Variants in SNTG1 observed in about 807,000 individuals in gnomAD.
SNTG1 encodes the protein syntrophin gamma 1.
In SNTG1, 39 loss-of-function variants were observed where a neutral mutation model predicts 74.7. The observed-to-expected ratio is 0.52, with a 90% CI of 0.40 to 0.68. The LOEUF is 0.68. SNTG1 is among the 30% of genes least tolerant of loss of function. The pLI is 0.00. For missense variants in SNTG1, 685 were observed against 609.5 expected, an observed-to-expected ratio of 1.12 and a Z score of -1.30; for synonymous variants, 254 against 217.1, an observed-to-expected ratio of 1.17 and a Z score of -1.49.
Position 50,299,809 on chromosome 8 carries a change from T to C in SNTG1, c.-27-94403T>C, listed in dbSNP as rs920764823. Among the ~76,000 whole-genome samples, 3 of 152,222 alleles carry C rather than the reference T, an allele frequency of 2.0e-5. No homozygotes were observed. In the South Asian group the frequency reaches 6.2e-4, roughly 32 times the overall value. On this transcript the variant is annotated intron_variant, in intron 2 of 18. Transcript: ENST00000642720. The stretch of plus-strand genomic sequence containing the variant: ...AGATACGTGTCACTAGGAGTTGCCA[T>C]ATAGGACAGAATAGGCCTATGGAGT...
chr8:50,150,762 C>G (rs1044403415), intron 1 of SNTG1, among the ~76,000 whole-genome samples: 7 of 152,086 alleles, frequency 4.6e-5, no homozygotes, highest in Non-Finnish European at 1.0e-4. Context: ...GGATGAAGCC[C>G]ACTTGATCAT....
At chr8:50,017,125 A>G (rs1816397412) in intron 1 of SNTG1, among the ~76,000 whole-genome samples, 1 of 152,142 alleles carries the variant, frequency 6.6e-6, no homozygotes, top group Non-Finnish European at 1.5e-5. Context: ...TCTCAAATAC[A>G]AACTAAGAAA....
chr8:50,787,175 A>G (rs1394420365), intron 18 of SNTG1, among the ~76,000 whole-genome samples: 1 of 151,970 alleles, frequency 6.6e-6, no homozygotes, highest in Non-Finnish European at 1.5e-5. Flanking sequence ...AAATTGACAA[A>G]GGATTCAAAT....
intron 13 of SNTG1, among the ~76,000 whole-genome samples, chr8:50,641,208 T>A (rs959058485): frequency 1.3e-5 from 2 of 152,208 alleles, no homozygotes; most frequent in African/African-American, 4.8e-5. Context: ...TTATTCTTTC[T>A]TCCCCCAGTC....
At chr8:50,468,460 C>T (rs1189350047) in intron 8 of SNTG1, among the ~76,000 whole-genome samples, 1 of 152,070 alleles carries the variant, frequency 6.6e-6, no homozygotes, top group African/African-American at 2.4e-5. Flanking sequence ...TATATCTCCT[C>T]CAGCTACCTT....
intron 2 of SNTG1, among the ~76,000 whole-genome samples, chr8:50,244,007 A>G (rs2086280611): frequency 6.6e-6 from 1 of 152,112 alleles, no homozygotes; most frequent in Non-Finnish European, 1.5e-5. Flanking sequence ...TTATAAAGAA[A>G]AGAGGTTTAA....
At chr8:50,341,323 A>G (rs148375981) in intron 2 of SNTG1, among the ~76,000 whole-genome samples, 29 of 152,080 alleles carry the variant, frequency 1.9e-4, no homozygotes, top group African/African-American at 5.8e-4. Flanking sequence ...AGGAATGGTG[A>G]CTAACATATT....
At chr8:50,769,477 G>A (rs562217511) in intron 18 of SNTG1, among the ~76,000 whole-genome samples, 1 of 151,974 alleles carries the variant, frequency 6.6e-6, no homozygotes, top group South Asian at 2.1e-4. Context: ...ACTGTATTAT[G>A]TTCTCATAGT....
intron 15 of SNTG1, among the ~76,000 whole-genome samples, chr8:50,673,264 G>A (rs1236928689): frequency 6.6e-6 from 1 of 152,104 alleles, no homozygotes; most frequent in Non-Finnish European, 1.5e-5. Flanking sequence ...AAATTAATTT[G>A]GGCATTGTGG....
intron 12 of SNTG1, among the ~76,000 whole-genome samples, chr8:50,586,539 G>A (rs769109139): frequency 4.6e-5 from 7 of 151,982 alleles, no homozygotes; most frequent in African/African-American, 7.3e-5. Context: ...CTCTGCATGG[G>A]ATCTTTCATT....
chr8:50,259,000 T>C (rs1022586248), intron 2 of SNTG1, among the ~76,000 whole-genome samples: 2 of 152,058 alleles, frequency 1.3e-5, no homozygotes, highest in Non-Finnish European at 2.9e-5. Context: ...TCTATACATA[T>C]CACAGTAAAA....
At chr8:50,456,382 A>G (rs1207799277) in intron 8 of SNTG1, among the ~76,000 whole-genome samples, 1 of 152,070 alleles carries the variant, frequency 6.6e-6, no homozygotes, top group African/African-American at 2.4e-5. Context: ...TATAACTAAT[A>G]GAGGCTTTTT....
intron 2 of SNTG1, among the ~76,000 whole-genome samples, chr8:50,175,366 C>T (rs573585076): frequency 6.6e-6 from 1 of 152,154 alleles, no homozygotes; most frequent in Non-Finnish European, 1.5e-5. Flanking sequence ...TCCCATTCCC[C>T]AAACCTCCAG....
chr8:50,524,516 T>G (rs1368240673), intron 9 of SNTG1, among the ~76,000 whole-genome samples: 11 of 152,170 alleles, frequency 7.2e-5, no homozygotes, highest in Admixed American at 7.2e-4. Context: ...ATACACTGCC[T>G]TATAAATACA....
At chr8:50,781,452 T>G (rs552458279) in intron 18 of SNTG1, among the ~76,000 whole-genome samples, 1 of 151,222 alleles carries the variant, frequency 6.6e-6, no homozygotes, top group South Asian at 2.1e-4. Flanking sequence ...CGTTTACCAT[T>G]ATGTAATGGC....
chr8:50,180,541 T>C (rs1275157720), intron 2 of SNTG1, among the ~76,000 whole-genome samples: 1 of 152,136 alleles, frequency 6.6e-6, no homozygotes, highest in Non-Finnish European at 1.5e-5. Context: ...TTTAATCAAT[T>C]TTATTCTATG....
intron 4 of SNTG1, among the ~76,000 whole-genome samples, chr8:50,406,000 A>G (rs555865469): frequency 6.6e-6 from 1 of 152,228 alleles, no homozygotes; most frequent in East Asian, 1.9e-4. Context: ...CTGTAGCTTT[A>G]TAGCAAATTT....
chr8:49,909,808 C>G (rs1407169412), upstream of SNTG1: 1 of 152,368 alleles, frequency 6.6e-6, no homozygotes, highest in East Asian at 1.9e-4. Flanking sequence ...CCGGAGCTCG[C>G]GAGCCGCGGT....
intron 17 of SNTG1, among the ~76,000 whole-genome samples, chr8:50,723,140 G>A (rs989249126): frequency 6.6e-6 from 1 of 152,072 alleles, no homozygotes; most frequent in Admixed American, 6.6e-5. Flanking sequence ...TTGTTCTGGA[G>A]GAGCAAGCAG....
Sources: gnomAD v4.1 joint callset for allele counts (sites outside exome capture counted in the v4.1 genomes callset) on GRCh38, gnomAD v4.1.1 for gene constraint, MANE v1.5 for transcripts, NCBI Gene and HGNC (gene_info 2026-07-23, HGNC 2026-07-21) for gene names.